Variants in GLRA2 observed in about 807,000 individuals in gnomAD.
GLRA2 encodes glycine receptor subunit alpha-2.
A neutral mutation model predicts 31.6 loss-of-function variants in GLRA2; 11 were observed. The observed-to-expected ratio is 0.35, with a 90% CI of 0.22 to 0.58. The LOEUF (loss-of-function observed/expected upper bound fraction) is 0.58, where lower values mean the gene tolerates loss of function less well. Among genes scored for constraint, GLRA2 ranks in the 20% least tolerant of loss-of-function variants. The pLI, the probability that GLRA2 is intolerant of heterozygous loss-of-function variation, is 0.84. For synonymous variants in GLRA2, 132 were observed against 134.0 expected, an observed-to-expected ratio of 0.99 and a Z score of 0.10; for missense variants, 212 against 351.8, an observed-to-expected ratio of 0.60 and a Z score of 3.18.
At chrX:14,622,216 T>C (rs1201001306) in intron 7 of GLRA2, among the ~76,000 whole-genome samples, 2 of 112,159 alleles carry the variant, frequency 1.8e-5, no homozygotes, top group African/African-American at 6.5e-5. Context: ...TTGTTTGATT[T>C]TTTTCTTGTA....
intron 8 of GLRA2, among the ~76,000 whole-genome samples, chrX:14,719,481 A>C (rs1601890229): frequency 8.9e-6 from 1 of 112,288 alleles, no homozygotes. Flanking sequence ...ATCAGAGAAA[A>C]GCAAATCAAA....
At chrX:14,591,308 A>G in intron 4 of GLRA2, among the ~76,000 whole-genome samples, 1 of 111,881 alleles carries the variant, frequency 8.9e-6, no homozygotes. Flanking sequence ...GTTGAGGAAC[A>G]AGGAAGCCAG....
chrX:14,549,332 G>C (rs772612862), intron 2 of GLRA2, among the ~76,000 whole-genome samples: 18 of 111,763 alleles, frequency 1.6e-4, no homozygotes, highest in Admixed American at 2.9e-4. Flanking sequence ...ATGTAAAGAA[G>C]ATTATTGAAG....
At chrX:14,669,359 C>T (rs933040314) in intron 7 of GLRA2, among the ~76,000 whole-genome samples, 7 of 111,446 alleles carry the variant, frequency 6.3e-5, no homozygotes, top group Middle Eastern at 4.3e-3. Context: ...ATTCTGGGGT[C>T]GGAAGGACGG....
At chrX:14,492,327 T>A in the GLRA2 span, among the ~76,000 whole-genome samples, 1 of 111,078 alleles carries the variant, frequency 9.0e-6, no homozygotes, top group Non-Finnish European at 1.9e-5. Flanking sequence ...AGTCTCCTCA[T>A]GCTCAGTCTC....
chrX:14,565,156 C>T (rs1309523446), intron 2 of GLRA2, among the ~76,000 whole-genome samples: 1 of 111,405 alleles, frequency 9.0e-6, no homozygotes, highest in Non-Finnish European at 1.9e-5. Context: ...GATTAAACAC[C>T]CTAATCAAAA....
At chrX:14,513,574 A>C in the GLRA2 span, among the ~76,000 whole-genome samples, 4 of 111,808 alleles carry the variant, frequency 3.6e-5, no homozygotes, top group African/African-American at 1.3e-4. Context: ...GCATAAAAAA[A>C]CCGAACAATC....
chrX:14,610,912 TTGTA>T (rs2090390023), intron 7 of GLRA2, among the ~76,000 whole-genome samples: 1 of 112,392 alleles, frequency 8.9e-6, no homozygotes, highest in Admixed American at 9.4e-5. Flanking sequence ...TCAGGGATCT[TTGTA>T]TGTAAAGGCA....
intron 7 of GLRA2, among the ~76,000 whole-genome samples, chrX:14,648,808 G>A (rs890819811): frequency 8.9e-6 from 1 of 112,131 alleles, no homozygotes; most frequent in African/African-American, 3.2e-5. Context: ...TACTAGAATG[G>A]TTAAAGTTTA....
the GLRA2 span, among the ~76,000 whole-genome samples, chrX:14,453,601 AT>A: frequency 8.9e-6 from 1 of 112,262 alleles, no homozygotes; most frequent in Non-Finnish European, 1.9e-5. Context: ...TAAAATGATA[AT>A]AGCTACTCAG....
intron 7 of GLRA2, among the ~76,000 whole-genome samples, chrX:14,614,564 T>A (rs1191123755): frequency 8.9e-6 from 1 of 111,965 alleles, no homozygotes; most frequent in Non-Finnish European, 1.9e-5. Flanking sequence ...ATTATTGCCT[T>A]GCTAAATGAT....
the GLRA2 span, among the ~76,000 whole-genome samples, chrX:14,511,270 A>C: frequency 8.9e-6 from 1 of 112,132 alleles, no homozygotes; most frequent in African/African-American, 3.2e-5. Context: ...CACTTGTTTC[A>C]ATCTCTTTAG....
Position 14,700,441 on chromosome X carries a change from G to A in GLRA2, c.1080+9582G>A, listed in dbSNP as rs769212102. Among the ~76,000 whole-genome samples, 10 of 111,397 alleles carry A rather than the reference G, an allele frequency of 9.0e-5. No individual in the cohort carries two copies. In the Middle Eastern group the frequency reaches 0.018, roughly 204 times the overall value. Reference sequence around the variant, plus strand: ...CCAGCATATCAGAGACAGGCAGGGGGAAAGGAGCCCATGAGAGAGACAGAG... The same window carrying A: ...CCAGCATATCAGAGACAGGCAGGGGAAAAGGAGCCCATGAGAGAGACAGAG... On this transcript the variant is annotated intron_variant, in intron 8 of 8. Transcript: ENST00000218075.
intron 7 of GLRA2, among the ~76,000 whole-genome samples, chrX:14,685,277 C>G (rs2091263154): frequency 9.0e-6 from 1 of 111,181 alleles, no homozygotes; most frequent in Non-Finnish European, 1.9e-5. Flanking sequence ...CTAAAATTCT[C>G]TTTTTTTGTT....
chrX:14,602,699 G>A (rs2090290406), intron 4 of GLRA2, among the ~76,000 whole-genome samples: 1 of 111,741 alleles, frequency 8.9e-6, no homozygotes, highest in South Asian at 3.7e-4. Flanking sequence ...CCATTCCTGA[G>A]TTACCTCACT....
intron 8 of GLRA2, among the ~76,000 whole-genome samples, chrX:14,719,447 A>G (rs2091836467): frequency 8.9e-6 from 1 of 112,502 alleles, no homozygotes; most frequent in Non-Finnish European, 1.9e-5. Context: ...CAGGTATATG[A>G]AAGAATGCTG....
chrX:14,602,486 A>T (rs1343008471), intron 4 of GLRA2, among the ~76,000 whole-genome samples: 1 of 109,308 alleles, frequency 9.1e-6, no homozygotes, highest in Non-Finnish European at 1.9e-5. Context: ...ACATGACTTA[A>T]GTTCTTTAGT....
chrX:14,476,342 T>C, the GLRA2 span, among the ~76,000 whole-genome samples: 1 of 112,129 alleles, frequency 8.9e-6, no homozygotes, highest in African/African-American at 3.2e-5. Context: ...GCTTGCATTG[T>C]GTAATGAACA....
chrX:14,589,495 TAAAA>T (rs72146186), intron 4 of GLRA2, among the ~76,000 whole-genome samples: 1 of 82,936 alleles, frequency 1.2e-5, no homozygotes, highest in Non-Finnish European at 2.3e-5. Flanking sequence ...CCATCTGTAC[TAAAA>T]AAAAAAAAAA....
Sources: gnomAD v4.1 joint callset for allele counts (sites outside exome capture counted in the v4.1 genomes callset) on GRCh38, gnomAD v4.1.1 for gene constraint, MANE v1.5 for transcripts, NCBI Gene and HGNC (gene_info 2026-07-23, HGNC 2026-07-21) for gene names.